GRIN2B: variants seen among roughly 807,000 people sequenced by gnomAD.
The protein encoded by GRIN2B is glutamate receptor ionotropic, NMDA 2B.
Under a neutral mutation model 114.5 loss-of-function variants are expected in GRIN2B, and 5 were observed. That is an observed-to-expected ratio of 0.04 (90% CI 0.02 to 0.09). The LOEUF (loss-of-function observed/expected upper bound fraction) is 0.09, where lower values mean the gene tolerates loss of function less well. Among genes scored for constraint, GRIN2B ranks in the 10% least tolerant of loss-of-function variants. The pLI, the probability that GRIN2B is intolerant of heterozygous loss-of-function variation, is 1.00. For missense variants in GRIN2B, 1,108 were observed against 1,943.5 expected (o/e 0.57, Z 8.08); for synonymous variants, 787 against 745.1 (o/e 1.06, Z -0.92).
chr12:13,782,344 T>A (rs987326498), intron 3 of GRIN2B, among the ~76,000 whole-genome samples: 2 of 152,076 alleles, frequency 1.3e-5, no homozygotes, highest in African/African-American at 4.8e-5. Context: ...TATATATCTC[T>A]CTTCTGCTAA....
intron 5 of GRIN2B, among the ~76,000 whole-genome samples, chr12:13,640,846 C>A (rs191605308): frequency 3.3e-4 from 50 of 151,892 alleles, no homozygotes; most frequent in Admixed American, 8.5e-4. Flanking sequence ...ACCCAAGTAA[C>A]CAGAAGATAA....
chr12:13,827,948 G>A (rs1344564981), intron 3 of GRIN2B, among the ~76,000 whole-genome samples: 1 of 152,212 alleles, frequency 6.6e-6, no homozygotes, highest in East Asian at 1.9e-4. Context: ...CCAAAGTGCT[G>A]GGATTCCAGG....
chr12:13,607,203 AATATATAAAAT>A (rs1349414168), intron 10 of GRIN2B, among the ~76,000 whole-genome samples: 12 of 109,306 alleles, frequency 1.1e-4, no homozygotes, highest in Admixed American at 2.8e-4. Context: ...AAATATATAT[AATATATAAAAT>A]ATATATAAAA....
At chr12:13,763,312 A>T (rs1029738777) in intron 3 of GRIN2B, among the ~76,000 whole-genome samples, 1 of 152,098 alleles carries the variant, frequency 6.6e-6, no homozygotes, top group East Asian at 1.9e-4. Context: ...TGGTGCACTG[A>T]TTGTGAACCT....
At chr12:13,769,454 C>T (rs1280713549) in intron 3 of GRIN2B, among the ~76,000 whole-genome samples, 2 of 152,116 alleles carry the variant, frequency 1.3e-5, no homozygotes, top group African/African-American at 4.8e-5. Flanking sequence ...CCCAAGTTCC[C>T]AGGCACGTCT....
intron 5 of GRIN2B, among the ~76,000 whole-genome samples, chr12:13,673,984 AT>A (rs1950046796): frequency 6.6e-6 from 1 of 152,070 alleles, no homozygotes; most frequent in African/African-American, 2.4e-5. Flanking sequence ...AAGCAGCTTG[AT>A]TGTAGTGAAA....
chr12:13,966,038 C>T (rs1054348873), intron 2 of GRIN2B, among the ~76,000 whole-genome samples: 4 of 152,212 alleles, frequency 2.6e-5, no homozygotes, highest in African/African-American at 9.7e-5. Flanking sequence ...GAGCCCCGGA[C>T]ATGAGATTCA....
chr12:13,755,129 G>T lies in GRIN2B; in HGVS notation c.412-1214C>A, dbSNP rs543235246. On this transcript the variant is annotated intron_variant, in intron 3 of 13. Transcript: ENST00000609686. ...TAACAAAACTGTGTCTTTTCTAAGG[G>T]GCAGTTCCTTCTTATCCTCCAATGA... Among the ~76,000 whole-genome samples the T allele has an allele frequency of 3.4e-4, 51 of 152,192 alleles. 1 individual carries two copies. Among genetic ancestry groups the T allele is most frequent in the African/African-American group, 1.1e-3 (47 of 41,526 alleles).
chr12:13,628,447 A>G (rs1949590399), intron 5 of GRIN2B, among the ~76,000 whole-genome samples: 1 of 152,224 alleles, frequency 6.6e-6, no homozygotes, highest in Non-Finnish European at 1.5e-5. Flanking sequence ...AGTGTTTTCA[A>G]TATGTTTAAA....
intron 4 of GRIN2B, among the ~76,000 whole-genome samples, chr12:13,724,876 G>C (rs1054518080): frequency 1.3e-5 from 2 of 152,136 alleles, no homozygotes; most frequent in Non-Finnish European, 2.9e-5. Flanking sequence ...TCCTGGGACT[G>C]CACAGGGCCC....
intron 5 of GRIN2B, among the ~76,000 whole-genome samples, chr12:13,655,516 G>C (rs1774324876): frequency 6.6e-6 from 1 of 152,178 alleles, no homozygotes; most frequent in African/African-American, 2.4e-5. Context: ...AATAGAATGA[G>C]AATGGGACCA....
chr12:13,577,202 C>G (rs990550916), intron 10 of GRIN2B, among the ~76,000 whole-genome samples: 1 of 152,188 alleles, frequency 6.6e-6, no homozygotes, highest in African/African-American at 2.4e-5. Context: ...AAATCAAATG[C>G]CAATTCCCAT....
chr12:13,885,786 T>C (rs1866146056), intron 2 of GRIN2B, among the ~76,000 whole-genome samples: 3 of 152,214 alleles, frequency 2.0e-5, no homozygotes, highest in Non-Finnish European at 4.4e-5. Context: ...GACAAAGTAT[T>C]CATGCACAGA....
chr12:13,715,265 C>A (rs1950445280), intron 4 of GRIN2B, among the ~76,000 whole-genome samples: 1 of 151,894 alleles, frequency 6.6e-6, no homozygotes, highest in Non-Finnish European at 1.5e-5. Context: ...TCACCCATAT[C>A]ATATTCACTT....
Position 13,562,741 on chromosome 12 carries a change from C to G in GRIN2B, c.*42G>C. 1 of 1,534,422 alleles carries G rather than the reference C, an allele frequency of 6.5e-7. No individual in the cohort carries two copies. Among genetic ancestry groups the G allele is most frequent in the Non-Finnish European group, 9.0e-7 (1 of 1,107,254 alleles). ...GACATGCGCATCACGCGACCCACAGCCTTACCCTCCCGTACCCACCTTAAC... is the reference window on the plus strand; with the variant it reads ...GACATGCGCATCACGCGACCCACAGGCTTACCCTCCCGTACCCACCTTAAC... On this transcript the variant is annotated 3_prime_UTR_variant, in exon 14 of 14. Coordinates refer to ENST00000609686, the MANE Select transcript of GRIN2B (RefSeq NM_000834.5).
intron 3 of GRIN2B, among the ~76,000 whole-genome samples, chr12:13,810,259 A>G (rs1864703333): frequency 6.7e-6 from 1 of 148,916 alleles, no homozygotes. Flanking sequence ...TCTGTTGCCC[A>G]GGCTGGAGTG....
chr12:13,755,773 A>G (rs1863565503), intron 3 of GRIN2B, among the ~76,000 whole-genome samples: 1 of 152,198 alleles, frequency 6.6e-6, no homozygotes, highest in Non-Finnish European at 1.5e-5. Context: ...CCTCAAATTC[A>G]TACGTTGAAA....
chr12:13,691,568 C>G (rs2136558170), intron 4 of GRIN2B, among the ~76,000 whole-genome samples: 1 of 152,240 alleles, frequency 6.6e-6, no homozygotes, highest in East Asian at 1.9e-4. Flanking sequence ...CCAGTCATTA[C>G]CAGGTTGCTT....
rs138728594 is a variant in GRIN2B at position 13,888,458 on chromosome 12, G to C, written c.-18-22232C>G. On this transcript the variant is annotated intron_variant, in intron 2 of 13. Coordinates refer to ENST00000609686, the MANE Select transcript of GRIN2B (RefSeq NM_000834.5). ...AGATAAAAAAAAAAAAATAGGCCAG[G>C]TGTGGTGGCTCACAACTGTAATCCC... Among the ~76,000 whole-genome samples, 462 of 151,786 alleles carry C rather than the reference G, an allele frequency of 3.0e-3. 3 individuals are homozygous for C. The highest frequency in any genetic ancestry group is 0.01 in the African/African-American group (420 of 41,282).
Sources: allele counts gnomAD v4.1 joint callset (sites outside exome capture counted in the v4.1 genomes callset), GRCh38; gene constraint gnomAD v4.1.1; transcripts MANE v1.5; gene names NCBI Gene and HGNC (gene_info 2026-07-23, HGNC 2026-07-21).